ME1: variants seen among roughly 807,000 people sequenced by gnomAD.
ME1 encodes the protein malic enzyme 1.
Under a neutral mutation model 66.4 loss-of-function variants are expected in ME1, and 74 were observed. The ratio of observed to expected loss-of-function variants is 1.11; its 90% CI spans 0.92 to 1.35. The LOEUF (loss-of-function observed/expected upper bound fraction) is 1.35, where lower values mean the gene tolerates loss of function less well. Among genes scored for constraint, ME1 ranks in the 40% most tolerant of loss-of-function variants. The pLI, the probability that ME1 is intolerant of heterozygous loss-of-function variation, is 0.00. For missense variants in ME1, 750 were observed against 694.1 expected, an observed-to-expected ratio of 1.08 and a Z score of -0.90; for synonymous variants, 251 against 235.6, an observed-to-expected ratio of 1.07 and a Z score of -0.60.
chr6:83,238,387 A>G (rs1018104819), intron 8 of ME1, among the ~76,000 whole-genome samples: 8 of 152,166 alleles, frequency 5.3e-5, no homozygotes, highest in Admixed American at 2.6e-4. Flanking sequence ...GAAATTTCCA[A>G]TATCTTTCCA....
intron 1 of ME1, among the ~76,000 whole-genome samples, chr6:83,412,693 CAT>C (rs1262379469): frequency 4.7e-4 from 72 of 152,152 alleles, no homozygotes; most frequent in African/African-American, 1.7e-3. Flanking sequence ...ATACACAAAA[CAT>C]AGATGAATCA....
intron 7 of ME1, among the ~76,000 whole-genome samples, chr6:83,245,018 C>G (rs1173463944): frequency 2.0e-5 from 3 of 151,960 alleles, no homozygotes; most frequent in Non-Finnish European, 4.4e-5. Context: ...TAGTGGCATG[C>G]ATGTCAGGGC....
chr6:83,221,167 A>G (rs1790085142), intron 12 of ME1, among the ~76,000 whole-genome samples: 1 of 152,180 alleles, frequency 6.6e-6, no homozygotes, highest in Admixed American at 6.5e-5. Context: ...TCAAAAAAAA[A>G]AGATAATCTA....
chr6:83,269,428 T>G (rs1767048152), intron 6 of ME1, among the ~76,000 whole-genome samples: 2 of 152,192 alleles, frequency 1.3e-5, no homozygotes, highest in African/African-American at 4.8e-5. Context: ...GATTTCATAA[T>G]ACACAAATCT....
chr6:83,385,809 T>C (rs1769493618), intron 3 of ME1, among the ~76,000 whole-genome samples: 1 of 151,822 alleles, frequency 6.6e-6, no homozygotes, highest in Non-Finnish European at 1.5e-5. Flanking sequence ...TCTACCTCAC[T>C]CCTATTTAGC....
chr6:83,253,683 G>A lies in ME1; in HGVS notation c.760C>T (p.Arg254Cys), dbSNP rs267601137. 2.0e-5 allele frequency: 32 copies of A among 1,611,678 alleles called. No homozygotes were observed. Among genetic ancestry groups the A allele is most frequent in the East Asian group, 4.5e-5 (2 of 44,762 alleles). Residue 254 changes from arginine (R) to cysteine (C), a missense_variant, in exon 7 of 14, where the codon CGT becomes TGT. By Grantham distance (180) the Arg-to-Cys change is radical. Coordinates refer to ENST00000369705, the MANE Select transcript of ME1 (RefSeq NM_002395.6). Reference protein sequence around the residue: ...FEDFANVNAFRLLNKYRNQYC... With the variant: ...FEDFANVNAFCLLNKYRNQYC... ...TGGTTTCGATACTTGTTCAGGAGAC[G>A]AAATGCATTCACATTGGCAAAATCT...
intron 6 of ME1, among the ~76,000 whole-genome samples, chr6:83,295,188 G>C (rs973551173): frequency 6.6e-6 from 1 of 152,178 alleles, no homozygotes; most frequent in African/African-American, 2.4e-5. Flanking sequence ...TGAAACCAAA[G>C]ACAAGAAGAC....
In ME1 at chr6:83,237,815, C is replaced by A. The variant is rs781035768; in HGVS notation, c.928G>T (p.Ala310Ser). Residue 310 changes from alanine (A) to serine (S), a missense_variant, in exon 9 of 14, where the codon GCA becomes TCA. Transcript: ENST00000369705. ...QGAGEAALGI[A>S]HLIVMALEKE... ...TCCAAGGCCATCACAATCAGGTGTG[C>A]AATCCCTAGGGCAGCCTCAGTGATG... 5 of 1,601,814 alleles carry A rather than the reference C, an allele frequency of 3.1e-6. No individual in the cohort carries two copies. The highest frequency in any genetic ancestry group is 3.4e-6 in the Non-Finnish European group (4 of 1,173,252).
intron 6 of ME1, among the ~76,000 whole-genome samples, chr6:83,303,109 T>C (rs1247703417): frequency 6.6e-6 from 1 of 152,070 alleles, no homozygotes; most frequent in Non-Finnish European, 1.5e-5. Flanking sequence ...CACAGGACAA[T>C]AATGGGGTCA....
At chr6:83,325,159 C>T (rs1562481466) in intron 5 of ME1, among the ~76,000 whole-genome samples, 1 of 152,146 alleles carries the variant, frequency 6.6e-6, no homozygotes, top group African/African-American at 2.4e-5. Context: ...CAATAAAATT[C>T]AACAACCCTT....
In ME1 at chr6:83,249,268, A is replaced by T. The variant is rs1790679253; in HGVS notation, c.814+4361T>A. 1.3e-5 allele frequency among the ~76,000 whole-genome samples: 2 copies of T among 151,324 alleles called. 1 individual carries two copies. Among genetic ancestry groups the T allele is most frequent in the Non-Finnish European group, 2.9e-5 (2 of 67,918 alleles). ...TCTTTTTTCTTTTTTTTTGAGATGG[A>T]GTCTCACTCTGTTGCCCAGGCTAGA... On this transcript the variant is annotated intron_variant, in intron 7 of 13. Transcript: ENST00000369705.
At chr6:83,273,761 T>C (rs1304888103) in intron 6 of ME1, among the ~76,000 whole-genome samples, 1 of 152,224 alleles carries the variant, frequency 6.6e-6, no homozygotes. Context: ...TTATGTGTTA[T>C]GAAATGAACG....
chr6:83,322,897 G>A (rs941139770), intron 5 of ME1, among the ~76,000 whole-genome samples: 2 of 152,180 alleles, frequency 1.3e-5, no homozygotes, highest in African/African-American at 2.4e-5. Context: ...TTTAAGGGCA[G>A]TGAGAGAGAA....
At chr6:83,285,648 C>G (rs1280393261) in intron 6 of ME1, among the ~76,000 whole-genome samples, 1 of 151,996 alleles carries the variant, frequency 6.6e-6, no homozygotes, top group East Asian at 1.9e-4. Context: ...ATGGAGACAC[C>G]TAGAGGAGTG....
At chr6:83,422,912 A>G (rs1770295991) in intron 1 of ME1, among the ~76,000 whole-genome samples, 2 of 152,074 alleles carry the variant, frequency 1.3e-5, no homozygotes, top group African/African-American at 4.8e-5. Flanking sequence ...TCAGAGTCCC[A>G]GAAAGAGAGG....
At chr6:83,403,592 G>T (rs1562004482) in intron 2 of ME1, among the ~76,000 whole-genome samples, 1 of 152,082 alleles carries the variant, frequency 6.6e-6, no homozygotes, top group East Asian at 1.9e-4. Flanking sequence ...CCTATAGACT[G>T]TCATCTAGGT....
At chr6:83,416,608 G>A (rs1252019999) in intron 1 of ME1, among the ~76,000 whole-genome samples, 1 of 152,034 alleles carries the variant, frequency 6.6e-6, no homozygotes, top group Non-Finnish European at 1.5e-5. Context: ...GTAGTTCCTG[G>A]CCAGGCACAG....
chr6:83,212,192 C>G lies in ME1; in HGVS notation c.1549-98G>C, dbSNP rs1562447663. The G allele has an allele frequency of 3.9e-6, 3 of 761,652 alleles. No homozygotes were observed. In the African/African-American group the frequency reaches 5.3e-5, roughly 14 times the overall value. The allele number at this position is 761,652 out of a possible 1,614,324, so 47.2% of individuals were successfully genotyped here. On this transcript the variant is annotated intron_variant, in intron 13 of 13. Coordinates refer to ENST00000369705, the MANE Select transcript of ME1 (RefSeq NM_002395.6). The stretch of plus-strand genomic sequence containing the variant: ...TTATCCATTTCAAAAACACTGTATC[C>G]TATGTTTGCAAAAACATTAAGTGTA...
chr6:83,394,953 T>A (rs1769701096), intron 3 of ME1, among the ~76,000 whole-genome samples: 1 of 152,198 alleles, frequency 6.6e-6, no homozygotes, highest in Admixed American at 6.5e-5. Flanking sequence ...CATTTAATTT[T>A]GACTCAATTT....
Sources: allele counts gnomAD v4.1 joint callset (sites outside exome capture counted in the v4.1 genomes callset), GRCh38; gene constraint gnomAD v4.1.1; transcripts MANE v1.5; gene names NCBI Gene and HGNC (gene_info 2026-07-23, HGNC 2026-07-21).